Variants in CNTNAP2 observed in about 807,000 individuals in gnomAD.
CNTNAP2 encodes contactin associated protein 2.
Under a neutral mutation model 155.2 loss-of-function variants are expected in CNTNAP2, and 98 were observed. That is an observed-to-expected ratio of 0.63 (90% CI 0.54 to 0.75). The LOEUF (loss-of-function observed/expected upper bound fraction) is 0.75, where lower values mean the gene tolerates loss of function less well. CNTNAP2 is among the 30% of genes least tolerant of loss of function. The pLI is 0.00. For missense variants in CNTNAP2, 1,727 were observed against 1,688.1 expected (o/e 1.02, Z -0.40); for synonymous variants, 651 against 631.2 (o/e 1.03, Z -0.47).
At chr7:147,042,866 G>T (rs1799286049) in intron 3 of CNTNAP2, among the ~76,000 whole-genome samples, 1 of 152,102 alleles carries the variant, frequency 6.6e-6, no homozygotes, top group African/African-American at 2.4e-5. Flanking sequence ...ATGCATATTT[G>T]TATGATTTTA....
chr7:146,759,839 C>T (rs901747725), intron 1 of CNTNAP2, among the ~76,000 whole-genome samples: 1 of 152,044 alleles, frequency 6.6e-6, no homozygotes, highest in African/African-American at 2.4e-5. Context: ...GTTACCATAA[C>T]ACCAATTAAT....
At chr7:146,461,322 G>A (rs1036567381) in intron 1 of CNTNAP2, among the ~76,000 whole-genome samples, 8 of 151,470 alleles carry the variant, frequency 5.3e-5, no homozygotes, top group South Asian at 4.2e-4. Flanking sequence ...GGACAATGGC[G>A]TGAACCCGGG....
chr7:147,998,103 CTTTTTTTTTT>C (rs71188938), intron 15 of CNTNAP2, among the ~76,000 whole-genome samples: 5 of 75,804 alleles, frequency 6.6e-5, no homozygotes, highest in African/African-American at 2.3e-4. Context: ...TTTCTTTTTT[CTTTTTTTTTT>C]TTTTTTTTTT....
intron 3 of CNTNAP2, among the ~76,000 whole-genome samples, chr7:147,017,897 GCTAATAATGTCCT>G (rs1798752802): frequency 6.6e-6 from 1 of 151,930 alleles, no homozygotes; most frequent in African/African-American, 2.4e-5. Context: ...TACAAAATTG[GCTAATAATGTCCT>G]ATAGGCAATA....
intron 1 of CNTNAP2, among the ~76,000 whole-genome samples, chr7:146,631,578 A>C (rs924150574): frequency 6.6e-6 from 1 of 152,152 alleles, no homozygotes; most frequent in African/African-American, 2.4e-5. Context: ...TGTTCTTTAC[A>C]AGAGAAGTTT....
chr7:147,956,574 A>G (rs1168226999), intron 14 of CNTNAP2, among the ~76,000 whole-genome samples: 1 of 152,140 alleles, frequency 6.6e-6, no homozygotes, highest in East Asian at 1.9e-4. Context: ...GCCCATATCG[A>G]AGCACATGCA....
chr7:147,898,542 G>C (rs908942318), intron 13 of CNTNAP2, among the ~76,000 whole-genome samples: 1 of 137,924 alleles, frequency 7.3e-6, no homozygotes, highest in African/African-American at 2.7e-5. Flanking sequence ...CTTTTTTTTT[G>C]AGACAGAGTC....
chr7:148,023,381 C>T (rs921772446), intron 15 of CNTNAP2, among the ~76,000 whole-genome samples: 1 of 152,178 alleles, frequency 6.6e-6, no homozygotes, highest in Admixed American at 6.5e-5. Flanking sequence ...GTTTATGCAG[C>T]TCATTGGTCA....
chr7:147,811,389 T>G (rs1004097889), intron 13 of CNTNAP2, among the ~76,000 whole-genome samples: 7 of 152,160 alleles, frequency 4.6e-5, no homozygotes, highest in Admixed American at 1.3e-4. Flanking sequence ...TGAGCCACCA[T>G]GCCCAGCCTA....
At chr7:146,961,449 G>A (rs1170329755) in intron 3 of CNTNAP2, among the ~76,000 whole-genome samples, 1 of 152,204 alleles carries the variant, frequency 6.6e-6, no homozygotes, top group Non-Finnish European at 1.5e-5. Context: ...AATTCGAAGT[G>A]AAGAACTATG....
At chr7:147,546,925 C>T (rs1799746301) in intron 11 of CNTNAP2, among the ~76,000 whole-genome samples, 1 of 152,174 alleles carries the variant, frequency 6.6e-6, no homozygotes, top group African/African-American at 2.4e-5. Context: ...ACTAACCCTG[C>T]TCTGCAGTAT....
intron 13 of CNTNAP2, among the ~76,000 whole-genome samples, chr7:147,682,190 A>G (rs1283924875): frequency 6.6e-6 from 1 of 151,928 alleles, no homozygotes; most frequent in Non-Finnish European, 1.5e-5. Flanking sequence ...TGTATATCAA[A>G]GCAATGTAAT....
At chr7:146,850,245 C>T (rs1441014030) in intron 3 of CNTNAP2, among the ~76,000 whole-genome samples, 9 of 152,186 alleles carry the variant, frequency 5.9e-5, no homozygotes. Flanking sequence ...AAAATTCTGT[C>T]CATTTCCAAA....
In CNTNAP2 at chr7:148,417,770, C is replaced by G. The variant is rs1800027843; in HGVS notation, c.*2154C>G. 6.6e-6 allele frequency: 1 copy of G among 152,208 alleles called. No individual in the cohort carries two copies. Among genetic ancestry groups the G allele is most frequent in the Admixed American group, 6.5e-5 (1 of 15,284 alleles). 9.4% of individuals were successfully genotyped at this position (152,208 alleles called of 1,614,324 possible). On this transcript the variant is annotated 3_prime_UTR_variant, in exon 24 of 24. Coordinates refer to ENST00000361727, the MANE Select transcript of CNTNAP2 (RefSeq NM_014141.6). ...TGGAAATTTATTATTTCTTGCAATTCCCATGATAGCTCTGTTCTTTATGCA... is the reference window on the plus strand; with the variant it reads ...TGGAAATTTATTATTTCTTGCAATTGCCATGATAGCTCTGTTCTTTATGCA...
chr7:146,835,767 G>T (rs964740407), intron 2 of CNTNAP2, among the ~76,000 whole-genome samples: 1 of 152,068 alleles, frequency 6.6e-6, no homozygotes, highest in South Asian at 2.1e-4. Context: ...AGTGTTTTGG[G>T]GATGAAAACC....
At chr7:146,428,683 C>G (rs917136884) in intron 1 of CNTNAP2, among the ~76,000 whole-genome samples, 1 of 151,512 alleles carries the variant, frequency 6.6e-6, no homozygotes. Context: ...CAAAAATCTT[C>G]TCCCATTTTG....
At chr7:146,448,123 A>C (rs982285138) in intron 1 of CNTNAP2, among the ~76,000 whole-genome samples, 2 of 152,066 alleles carry the variant, frequency 1.3e-5, no homozygotes, top group African/African-American at 4.8e-5. Context: ...GGTTAATGCT[A>C]CCAACACCAA....
At chr7:146,794,776 A>C (rs1802739535) in intron 2 of CNTNAP2, among the ~76,000 whole-genome samples, 1 of 152,256 alleles carries the variant, frequency 6.6e-6, no homozygotes, top group Non-Finnish European at 1.5e-5. Context: ...TTCATTCAGA[A>C]AAACAATACA....
At chr7:146,138,811 A>G (rs200646077) in intron 1 of CNTNAP2, among the ~76,000 whole-genome samples, 2 of 152,130 alleles carry the variant, frequency 1.3e-5, no homozygotes, top group East Asian at 1.9e-4. Context: ...TAAGAAACAC[A>G]TTTGTAAATG....
Sources: allele counts gnomAD v4.1 joint callset (sites outside exome capture counted in the v4.1 genomes callset), GRCh38; gene constraint gnomAD v4.1.1; transcripts MANE v1.5; gene names NCBI Gene and HGNC (gene_info 2026-07-23, HGNC 2026-07-21).